PLXNC1: variants seen among roughly 807,000 people sequenced by gnomAD.
PLXNC1 encodes the protein plexin-C1.
PLXNC1 carries 75 observed loss-of-function variants against 178.2 expected under a neutral mutation model. The observed-to-expected ratio is 0.42, with a 90% confidence interval of 0.35 to 0.51. PLXNC1 has a LOEUF of 0.51. Among genes scored for constraint, PLXNC1 ranks in the 20% least tolerant of loss-of-function variants. The pLI is 0.02. For synonymous variants in PLXNC1, 790 were observed against 779.9 expected (o/e 1.01, Z -0.22); for missense variants, 1,503 against 1,984.4 (o/e 0.76, Z 4.61).
At chr12:94,225,077 C>A (rs1963902151) in intron 7 of PLXNC1, among the ~76,000 whole-genome samples, 1 of 152,148 alleles carries the variant, frequency 6.6e-6, no homozygotes, top group South Asian at 2.1e-4. Context: ...CCATCTTTGG[C>A]CTCTTTGAGC....
chr12:94,242,675 C>G (rs1244702025), intron 11 of PLXNC1, among the ~76,000 whole-genome samples: 1 of 152,134 alleles, frequency 6.6e-6, no homozygotes, highest in Non-Finnish European at 1.5e-5. Flanking sequence ...AACCAAGGCT[C>G]TAGCATGACA....
chr12:94,297,175 T>C lies in PLXNC1; in HGVS notation c.3935-14T>C. 2 of 1,613,678 alleles carry C rather than the reference T, an allele frequency of 1.2e-6. No homozygotes were observed. Among genetic ancestry groups the C allele is most frequent in the Non-Finnish European group, 1.7e-6 (2 of 1,179,862 alleles). On this transcript the variant is annotated splice_polypyrimidine_tract_variant and intron_variant, in intron 24 of 30. Coordinates refer to ENST00000258526, the MANE Select transcript of PLXNC1 (RefSeq NM_005761.3). ...TAATGGACTGCTTTCTCTCCCTCTTTCTCTGGCATTCAGATGTGGAGTACT... is the reference window on the plus strand; with the variant it reads ...TAATGGACTGCTTTCTCTCCCTCTTCCTCTGGCATTCAGATGTGGAGTACT...
intron 7 of PLXNC1, 136 bp from the exon 8 acceptor site, chr12:94,226,469 C>A: frequency 3.3e-6 from 2 of 614,348 alleles, no homozygotes; most frequent in Non-Finnish European, 2.9e-6. Flanking sequence ...CAAAGCCTCA[C>A]AGGAATGTCT....
At chr12:94,284,172 G>A (rs981521451) in intron 23 of PLXNC1, among the ~76,000 whole-genome samples, 1 of 151,912 alleles carries the variant, frequency 6.6e-6, no homozygotes, top group African/African-American at 2.4e-5. Context: ...TTATCCCCAG[G>A]AGCAATTTGG....
intron 4 of PLXNC1, among the ~76,000 whole-genome samples, chr12:94,190,355 A>G (rs147483809): frequency 2.0e-5 from 3 of 152,198 alleles, no homozygotes; most frequent in Non-Finnish European, 2.9e-5. Context: ...TGATCCTTCC[A>G]CTGCAGTCTC....
At chr12:94,268,298 G>A (rs74568428) in intron 21 of PLXNC1, among the ~76,000 whole-genome samples, 158 of 152,252 alleles carry the variant, frequency 1.0e-3, no homozygotes, top group African/African-American at 3.7e-3. Flanking sequence ...TAACAAAGAG[G>A]CCCTGGGAAG....
chr12:94,207,041 G>A (rs1963321533), intron 4 of PLXNC1, among the ~76,000 whole-genome samples: 1 of 152,202 alleles, frequency 6.6e-6, no homozygotes, highest in Admixed American at 6.5e-5. Flanking sequence ...TGTAAGAAAT[G>A]TAAATGTATG....
chr12:94,201,486 A>C (rs1260015494), intron 4 of PLXNC1, among the ~76,000 whole-genome samples: 1 of 152,204 alleles, frequency 6.6e-6, no homozygotes, highest in Non-Finnish European at 1.5e-5. Context: ...AAACTCTTAG[A>C]ACAGATGTAC....
intron 20 of PLXNC1, chr12:94,262,544 C>G (rs756643700): frequency 2.0e-6 from 2 of 985,422 alleles, no homozygotes; most frequent in Non-Finnish European, 2.4e-6. Flanking sequence ...AAGAGCGTCT[C>G]GAGCACTCTG....
chr12:94,220,638 A>C (rs149566373), intron 6 of PLXNC1, among the ~76,000 whole-genome samples: 1 of 152,360 alleles, frequency 6.6e-6, no homozygotes, highest in African/African-American at 2.4e-5. Flanking sequence ...TTGCCCCTAA[A>C]AAAAAGACTG....
At position 94,227,224 on chromosome 12, in the gene PLXNC1, C is replaced by G. The variant is rs751634100; in HGVS notation, c.1969C>G (p.Gln657Glu). The G allele has an allele frequency of 6.9e-6, 11 of 1,604,700 alleles. No homozygotes were observed. The highest frequency in any genetic ancestry group is 9.4e-6 in the Non-Finnish European group (11 of 1,171,658). ...GGAGAACAAGGGGAACAGAACCAAC[C>G]AGGCTTTACAGGTCAGACCCTATTT... Reference protein sequence around the residue: ...PKENKGNRTNQALQVFYIKSI... With the variant: ...PKENKGNRTNEALQVFYIKSI... The change falls in exon 9 of 31, where the codon CAG becomes GAG. Residue 657 changes from glutamine (Q) to glutamate (E), a missense_variant. By Grantham distance (29) the Gln-to-Glu change is conservative (BLOSUM62 2). Coordinates refer to ENST00000258526, the MANE Select transcript of PLXNC1 (RefSeq NM_005761.3).
Position 94,161,471 on chromosome 12 carries a change from T to C in PLXNC1, c.1063-7682T>C, listed in dbSNP as rs114130965. Among the ~76,000 whole-genome samples the C allele has an allele frequency of 7.2e-3, 1,093 of 152,332 alleles. 14 individuals carry two copies. The highest frequency in any genetic ancestry group is 0.025 in the African/African-American group (1,047 of 41,578). On this transcript the variant is annotated intron_variant, in intron 1 of 30. Coordinates refer to ENST00000258526, the MANE Select transcript of PLXNC1 (RefSeq NM_005761.3). ...GAAACCACATATTTTTTACTCTAAA[T>C]CACTTGTTCTTTCTATTCTTCCATG...
At chr12:94,202,428 G>A (rs1431579079) in intron 4 of PLXNC1, among the ~76,000 whole-genome samples, 1 of 152,214 alleles carries the variant, frequency 6.6e-6, no homozygotes, top group Non-Finnish European at 1.5e-5. Flanking sequence ...CTTTCCCTTT[G>A]GGGGATTTAC....
intron 20 of PLXNC1, among the ~76,000 whole-genome samples, chr12:94,262,920 A>G (rs1231775346): frequency 6.6e-6 from 1 of 152,108 alleles, no homozygotes; most frequent in Non-Finnish European, 1.5e-5. Flanking sequence ...CATTTTGTAT[A>G]TGGGGGAACT....
At chr12:94,178,171 G>GA (rs1322952625) in intron 2 of PLXNC1, among the ~76,000 whole-genome samples, 1 of 152,134 alleles carries the variant, frequency 6.6e-6, no homozygotes, top group East Asian at 1.9e-4. Flanking sequence ...TGACTTAACT[G>GA]AAAAAACCAG....
intron 9 of PLXNC1, among the ~76,000 whole-genome samples, chr12:94,231,279 C>A (rs1247417781): frequency 6.6e-6 from 1 of 152,076 alleles, no homozygotes; most frequent in African/African-American, 2.4e-5. Flanking sequence ...GCAGAGGAAC[C>A]AGCATATGCA....
intron 10 of PLXNC1, among the ~76,000 whole-genome samples, chr12:94,240,095 T>C (rs187686176): frequency 2.0e-3 from 307 of 152,316 alleles, no homozygotes; most frequent in Non-Finnish European, 2.5e-3. Flanking sequence ...CCTTCACTGC[T>C]AAATACTTCA....
rs1317334328 is a variant in PLXNC1, at chr12:94,278,065, CCT to C, written c.3598-1404_3598-1403del. 1.8e-5 allele frequency: 8 copies of C among 455,938 alleles called. No homozygotes were observed. The East Asian group carries it at 5.6e-4, about 32-fold the overall frequency. 28.2% of individuals were successfully genotyped at this position (455,938 alleles called of 1,614,324 possible). On this transcript the variant is annotated intron_variant, in intron 21 of 30. Coordinates refer to ENST00000258526, the MANE Select transcript of PLXNC1 (RefSeq NM_005761.3). The stretch of plus-strand genomic sequence containing the variant: ...TCTTTCGGCTTTGGAGCCCCCCCTC[CCT>C]CTGTCTCTGTATGGGCGAGCATCTT...
chr12:94,151,529 C>T (rs1274939358), intron 1 of PLXNC1, among the ~76,000 whole-genome samples: 1 of 152,160 alleles, frequency 6.6e-6, no homozygotes, highest in African/African-American at 2.4e-5. Flanking sequence ...TGATTCCTGT[C>T]TTTATTAGAT....
Sources: gnomAD v4.1 joint callset for allele counts (sites outside exome capture counted in the v4.1 genomes callset) on GRCh38, gnomAD v4.1.1 for gene constraint, MANE v1.5 for transcripts, NCBI Gene and HGNC (gene_info 2026-07-23, HGNC 2026-07-21) for gene names.